ZRANB2: variants seen among roughly 807,000 people sequenced by gnomAD.
ZRANB2 encodes zinc finger RANBP2-type containing 2.
ZRANB2 carries 19 observed loss-of-function variants against 53.4 expected under a neutral mutation model. That is an observed-to-expected ratio of 0.36 (90% CI 0.25 to 0.52). The LOEUF is 0.52. ZRANB2 is among the 20% of genes least tolerant of loss of function. The pLI, the probability that ZRANB2 is intolerant of heterozygous loss-of-function variation, is 0.93. For missense variants in ZRANB2, 309 were observed against 401.1 expected, an observed-to-expected ratio of 0.77 and a Z score of 1.96; for synonymous variants, 145 against 134.8, an observed-to-expected ratio of 1.08 and a Z score of -0.52.
chr1:71,075,494 C>T (rs141087202), intron 4 of ZRANB2, among the ~76,000 whole-genome samples: 3 of 152,170 alleles, frequency 2.0e-5, no homozygotes, highest in African/African-American at 4.8e-5. Flanking sequence ...TCAAAGAAGT[C>T]TGAGCTGGAG....
At chr1:71,080,282 C>T (rs1338527222) in intron 1 of ZRANB2, among the ~76,000 whole-genome samples, 1 of 152,122 alleles carries the variant, frequency 6.6e-6, no homozygotes, top group African/African-American at 2.4e-5. Context: ...GAGCCACTAA[C>T]ACACGTGCTT....
chr1:71,074,334 A>G (rs554217888), intron 4 of ZRANB2, among the ~76,000 whole-genome samples: 1 of 152,288 alleles, frequency 6.6e-6, no homozygotes, highest in South Asian at 2.1e-4. Flanking sequence ...ATTTCCGTAG[A>G]TTTTAGTAAG....
chr1:71,080,875 G>C, intron 1 of ZRANB2, 65 bp downstream of exon 1: 3 of 1,575,488 alleles, frequency 1.9e-6, no homozygotes, highest in Non-Finnish European at 2.6e-6. Flanking sequence ...GGAAAATGCC[G>C]GACGGACCTC....
intron 1 of ZRANB2, among the ~76,000 whole-genome samples, chr1:71,079,918 T>C (rs1196299144): frequency 1.3e-5 from 2 of 152,142 alleles, no homozygotes; most frequent in East Asian, 1.9e-4. Flanking sequence ...TAATATCAAA[T>C]TACTATCAAT....
intron 4 of ZRANB2, among the ~76,000 whole-genome samples, chr1:71,073,215 C>A (rs1661632386): frequency 6.6e-6 from 1 of 151,978 alleles, no homozygotes; most frequent in Admixed American, 6.6e-5. Context: ...GTATACAATT[C>A]AATTGGCAGG....
chr1:71,076,750 G>C, intron 4 of ZRANB2, 45 bp downstream of exon 4: 1 of 1,385,912 alleles, frequency 7.2e-7, no homozygotes, highest in East Asian at 2.3e-5. Flanking sequence ...TCAATATTTA[G>C]TGCTTTAAAA....
chr1:71,081,017 C>G lies in ZRANB2; in HGVS notation c.-22G>C, dbSNP rs1661835692. On this transcript the variant is annotated 5_prime_UTR_variant, in exon 1 of 10. Transcript: ENST00000370920. ...ACATCTTGAACGCCACCAGCACAGC[C>G]ACCCGCAGCTATGTCTTCACAGGAG... The G allele has an allele frequency of 2.5e-6, 4 of 1,614,124 alleles. No individual in the cohort carries two copies. The highest frequency in any genetic ancestry group is 2.5e-6 in the Non-Finnish European group (3 of 1,180,028).
At chr1:71,068,320 TC>T (rs1280581138) in intron 8 of ZRANB2, among the ~76,000 whole-genome samples, 1 of 152,256 alleles carries the variant, frequency 6.6e-6, no homozygotes, top group Non-Finnish European at 1.5e-5. Context: ...AATATGAATT[TC>T]CACAAATATG....
chr1:71,070,843 A>G lies in ZRANB2; in HGVS notation c.667T>C (p.Ser223Pro). The G allele has an allele frequency of 6.3e-7, 1 of 1,597,364 alleles. No individual in the cohort carries two copies. Among genetic ancestry groups the G allele is most frequent in the Non-Finnish European group, 8.5e-7 (1 of 1,171,290 alleles). ...SSSRSSSPSS[S>P]RSRSRSRSRS... ...CCCGTTTACCTGGACCTAGACCTTG[A>G]ACTTGAGGGGGAGGATGAGCGTGAT... Residue 223 changes from serine (S) to proline (P), a missense_variant, in exon 7 of 10, where the codon TCA becomes CCA. Physicochemically the swap from Ser to Pro is moderately conservative, Grantham distance 74. Transcript: ENST00000370920.
rs888524615 is a variant in ZRANB2 at position 71,064,635 on chromosome 1, T to A, written c.*439A>T. On this transcript the variant is annotated 3_prime_UTR_variant, in exon 10 of 10. Transcript: ENST00000370920. ...TTTTTTGGTGAGAATCACTCTGACA[T>A]CTGTTAACAGCATAAAAAGGCTGAC... 1 of 153,056 alleles carries A rather than the reference T, an allele frequency of 6.5e-6. No individual in the cohort carries two copies. Among genetic ancestry groups the A allele is most frequent in the African/African-American group, 2.4e-5 (1 of 41,446 alleles). The allele number at this position is 153,056 out of a possible 1,614,324, so 9.5% of individuals were successfully genotyped here. A position where few individuals can be genotyped will look rare whatever the true frequency, so the allele number is the denominator to read the frequency against.
chr1:71,073,822 A>G (rs1386014894), intron 4 of ZRANB2, among the ~76,000 whole-genome samples: 4 of 20,644 alleles, frequency 1.9e-4, no homozygotes, highest in Non-Finnish European at 4.3e-4. Flanking sequence ...TGCTGACAAC[A>G]AAGACATTGG....
Position 71,077,414 on chromosome 1 carries a change from T to A in ZRANB2, c.219-537A>T, listed in dbSNP as rs114770352. On this transcript the variant is annotated intron_variant, in intron 3 of 9. Transcript: ENST00000370920. ...GAATATACCTTAAAGAGTATGGTTA[T>A]ACCCTATAAATAATATTAATTTATT... Among the ~76,000 whole-genome samples the A allele has an allele frequency of 3.1e-3, 471 of 152,340 alleles. 6 individuals are homozygous for A. The highest frequency in any genetic ancestry group is 0.011 in the African/African-American group (449 of 41,574).
chr1:71,073,978 G>A (rs551216877), intron 4 of ZRANB2, among the ~76,000 whole-genome samples: 34 of 152,212 alleles, frequency 2.2e-4, no homozygotes, highest in African/African-American at 7.7e-4. Context: ...TGATATGTAT[G>A]TTTCCGTCAT....
In ZRANB2 at chr1:71,070,867, A is replaced by C; in HGVS notation, c.643T>G (p.Ser215Ala). Residue 215 changes from serine to alanine, a missense_variant, in exon 7 of 10, where the codon TCA becomes GCA. Around this residue, in one of 3 missense-constraint regions of ZRANB2, gnomAD observed 211 missense variants for 196.1 expected, o/e 1.08. Transcript: ENST00000370920. ...GAACTTGAGGGGGAGGATGAGCGTG[A>C]TGAAGATCGTGAATGTGAAGATCGA... ...KSRSSHSRSS[S>A]RSSSPSSSRS... 6.2e-7 allele frequency: 1 copy of C among 1,608,770 alleles called. No individual in the cohort carries two copies. The highest frequency in any genetic ancestry group is 1.3e-5 in the African/African-American group (1 of 74,840).
chr1:71,069,140 G>C, intron 8 of ZRANB2, 136 bp downstream of exon 8: 1 of 601,872 alleles, frequency 1.7e-6, no homozygotes. Context: ...TTAAGCTGAG[G>C]CAAGTGCATT....
chr1:71,078,224 T>G (rs947853746), intron 3 of ZRANB2, among the ~76,000 whole-genome samples: 1 of 152,220 alleles, frequency 6.6e-6, no homozygotes, highest in Admixed American at 6.5e-5. Flanking sequence ...CATAAGCATT[T>G]GTTTACTGGT....
intron 1 of ZRANB2, among the ~76,000 whole-genome samples, chr1:71,079,419 A>G (rs990014282): frequency 6.6e-6 from 1 of 152,204 alleles, no homozygotes; most frequent in South Asian, 2.1e-4. Flanking sequence ...GTATATTGGT[A>G]AAAGTATGTT....
At chr1:71,066,052 C>T (rs1341162841) in intron 9 of ZRANB2, 1 of 202,892 alleles carries the variant, frequency 4.9e-6, no homozygotes, top group Non-Finnish European at 9.8e-6. Flanking sequence ...TTTATTTTCA[C>T]AAGCTAATAA....
intron 6 of ZRANB2, among the ~76,000 whole-genome samples, chr1:71,071,889 C>T (rs186664169): frequency 7.9e-5 from 12 of 152,260 alleles, no homozygotes; most frequent in Admixed American, 5.9e-4. Flanking sequence ...ATATTTCCTC[C>T]TCTAGAACTG....
Sources: gnomAD v4.1 joint callset for allele counts (sites outside exome capture counted in the v4.1 genomes callset) on GRCh38, gnomAD v4.1.1 for gene constraint, gnomAD v4.1.1 regional missense constraint, MANE v1.5 for transcripts, NCBI Gene and HGNC (gene_info 2026-07-23, HGNC 2026-07-21) for gene names.